The following TTC34 variants were observed in gnomAD, a reference collection of about 807,000 sequenced individuals.
TTC34 encodes tetratricopeptide repeat domain 34, also known as tetratricopeptide repeat protein 34.
A neutral mutation model predicts 40.7 loss-of-function variants in TTC34; 44 were observed. The ratio of observed to expected loss-of-function variants is 1.08; its 90% CI spans 0.85 to 1.39. TTC34 has a LOEUF of 1.39. TTC34 is among the 40% of genes most tolerant of loss of function. TTC34 has a pLI of 0.00. For synonymous variants in TTC34, 422 were observed against 398.6 expected (o/e 1.06, Z -0.70); for missense variants, 884 against 838.0 (o/e 1.05, Z -0.68).
At chr1:2,686,356 C>CT (rs1640345818) in intron 6 of TTC34, among the ~76,000 whole-genome samples, 2 of 149,442 alleles carry the variant, frequency 1.3e-5, no homozygotes, top group Middle Eastern at 3.5e-3. Context: ...GAGCAGCACC[C>CT]ACACCCCCAG....
chr1:2,642,689 C>A (rs964060421), intron 8 of TTC34, among the ~76,000 whole-genome samples: 2 of 152,266 alleles, frequency 1.3e-5, no homozygotes, highest in African/African-American at 4.8e-5. Flanking sequence ...GCAGGCCCCG[C>A]CTTTCTCGCT....
chr1:2,750,085 C>T (rs1641265900), intron 6 of TTC34, among the ~76,000 whole-genome samples: 1 of 136,678 alleles, frequency 7.3e-6, no homozygotes, highest in Non-Finnish European at 1.5e-5. Flanking sequence ...GCAGGCACAC[C>T]CCCAGTGAGC....
rs559352229 is a variant in TTC34, at chr1:2,777,518, C to T, written c.2226+6091G>A. Among the ~76,000 whole-genome samples the T allele has an allele frequency of 7.7e-4, 118 of 152,280 alleles. 1 individual carries two copies. The highest frequency in any genetic ancestry group is 2.7e-3 in the African/African-American group (111 of 41,552). ...CTTTTCCACCAGGTGAGCATATGAC[C>T]GCCTGGAAGAAGCACCCCTGCATGT... On this transcript the variant is annotated intron_variant, in intron 6 of 8. Transcript: ENST00000401095.
intron 1 of TTC34, among the ~76,000 whole-genome samples, 197 bp downstream of exon 1, chr1:2,801,380 G>C (rs1643771090): frequency 1.3e-5 from 2 of 152,100 alleles, no homozygotes; most frequent in African/African-American, 4.8e-5. Context: ...CAGGCCCTTG[G>C]GTCGGGGGAG....
intron 6 of TTC34, among the ~76,000 whole-genome samples, chr1:2,777,412 C>A (rs1247529514): frequency 6.7e-6 from 1 of 148,684 alleles, no homozygotes; most frequent in East Asian, 2.0e-4. Context: ...AACAGCACTC[C>A]ACACCTCCAG....
intron 6 of TTC34, among the ~76,000 whole-genome samples, chr1:2,750,146 G>A (rs1279305094): frequency 1.7e-4 from 14 of 80,938 alleles, no homozygotes; most frequent in South Asian, 4.3e-4. Flanking sequence ...ATCCGACAGC[G>A]TGGAGCAGAA....
intron 6 of TTC34, among the ~76,000 whole-genome samples, chr1:2,750,088 C>A (rs1457628437): frequency 5.1e-5 from 2 of 39,068 alleles, no homozygotes; most frequent in African/African-American, 2.6e-4. Context: ...GGCACACCCC[C>A]AGTGAGCATC....
At chr1:2,751,447 C>T (rs1364162910) in intron 6 of TTC34, among the ~76,000 whole-genome samples, 2 of 20,354 alleles carry the variant, frequency 9.8e-5, no homozygotes, top group Non-Finnish European at 1.9e-4. Flanking sequence ...GAGCCCAGAC[C>T]CCCAGGTGAG....
intron 6 of TTC34, among the ~76,000 whole-genome samples, chr1:2,754,033 C>T (rs1484701502): frequency 1.7e-3 from 93 of 53,906 alleles, no homozygotes; most frequent in Middle Eastern, 0.022. Context: ...GGCGAGCATC[C>T]GACAGCCTGG....
intron 6 of TTC34, among the ~76,000 whole-genome samples, chr1:2,683,282 C>A (rs370454056): frequency 5.1e-3 from 412 of 81,100 alleles, no homozygotes; most frequent in African/African-American, 0.014. Flanking sequence ...CACAGGTGAG[C>A]ATCTGACAGC....
intron 6 of TTC34, among the ~76,000 whole-genome samples, 168 bp downstream of exon 6, chr1:2,783,441 G>A (rs113455387): frequency 2.0e-3 from 311 of 152,336 alleles, no homozygotes; most frequent in African/African-American, 7.0e-3. Context: ...GTGGGGACCC[G>A]GCTCCCATGA....
intron 1 of TTC34, among the ~76,000 whole-genome samples, 168 bp downstream of exon 1, chr1:2,801,409 G>T (rs1178961519): frequency 6.6e-6 from 1 of 151,974 alleles, no homozygotes; most frequent in Non-Finnish European, 1.5e-5. Flanking sequence ...GCCCATGGGT[G>T]GGGGGGTTCA....
intron 6 of TTC34, among the ~76,000 whole-genome samples, chr1:2,652,137 ATCCGACAGCCTGGAACACAAC>A (rs1238544143): frequency 7.4e-5 from 10 of 134,416 alleles, no homozygotes; most frequent in Non-Finnish European, 9.7e-5. Context: ...CCAGGTGAGC[ATCCGACAGCCTGGAACACAAC>A]CCACACCCCC....
At chr1:2,677,910 C>T (rs1365042944) in intron 6 of TTC34, among the ~76,000 whole-genome samples, 1 of 32,438 alleles carries the variant, frequency 3.1e-5, no homozygotes. Context: ...GAGCATCTGA[C>T]AGCCTGGAGC....
chr1:2,686,748 GAA>G (rs1640372277), intron 6 of TTC34, among the ~76,000 whole-genome samples: 1 of 142,194 alleles, frequency 7.0e-6, no homozygotes. Flanking sequence ...TGACAGCCTG[GAA>G]CGGCACCCAC....
At chr1:2,683,467 C>A (rs200941717) in intron 6 of TTC34, among the ~76,000 whole-genome samples, 1 of 151,080 alleles carries the variant, frequency 6.6e-6, no homozygotes, top group Non-Finnish European at 1.5e-5. Context: ...GGAGCAGCAC[C>A]CACACCACCA....
At chr1:2,755,506 C>G (rs1288151719) in intron 6 of TTC34, among the ~76,000 whole-genome samples, 9 of 90,386 alleles carry the variant, frequency 1.0e-4, no homozygotes, top group African/African-American at 4.8e-4. Context: ...CCCACACCCA[C>G]AGGTGAGCAT....
exon 6 of TTC34, chr1:2,783,649 C>T (rs1557688016): frequency 2.0e-6 from 3 of 1,490,064 alleles, no homozygotes; most frequent in African/African-American, 2.8e-5. Flanking sequence ...CGCCCGTCCA[C>T]ACAGTGCCTG....
At chr1:2,749,715 G>C (rs1454669894) in intron 6 of TTC34, among the ~76,000 whole-genome samples, 4,390 of 62,914 alleles carry the variant, frequency 0.07, 449 homozygotes, top group South Asian at 0.11. Flanking sequence ...GTCTGGAACA[G>C]CACGCACAAC....
Sources: allele counts gnomAD v4.1 joint callset (sites outside exome capture counted in the v4.1 genomes callset), GRCh38; gene constraint gnomAD v4.1.1; transcripts MANE v1.5; gene names NCBI Gene and HGNC (gene_info 2026-07-23, HGNC 2026-07-21).